The following FAAH2 variants were observed in gnomAD, a reference collection of about 807,000 sequenced individuals.
The protein encoded by FAAH2 is fatty-acid amide hydrolase 2.
In FAAH2, 60 loss-of-function variants were observed where a neutral mutation model predicts 36.9. The observed-to-expected ratio is 1.63, with a 90% confidence interval of 1.32 to 2.02. The LOEUF (loss-of-function observed/expected upper bound fraction) is 2.02, where lower values mean the gene tolerates loss of function less well. Ranked by LOEUF, FAAH2 falls within the 30% of genes most tolerant of loss-of-function variation. The pLI is 0.00. For synonymous variants in FAAH2, 214 were observed against 143.8 expected (o/e 1.49, Z -3.49); for missense variants, 689 against 397.5 (o/e 1.73, Z -6.23).
chrX:57,298,904 G>A (rs1000375414), intron 2 of FAAH2, among the ~76,000 whole-genome samples: 17 of 109,549 alleles, frequency 1.6e-4, no homozygotes, highest in Non-Finnish European at 3.0e-4. Context: ...ACTAAACCAG[G>A]AAGAAGTTCA....
the FAAH2 span, among the ~76,000 whole-genome samples, chrX:57,198,150 G>C: frequency 8.9e-4 from 99 of 111,295 alleles, no homozygotes; most frequent in African/African-American, 3.2e-3. Flanking sequence ...GTTATGATTT[G>C]TGTCTTCTGC....
intron 10 of FAAH2, among the ~76,000 whole-genome samples, chrX:57,468,996 C>T (rs5960985): frequency 0.36 from 40,202 of 110,370 alleles, 6,279 homozygotes; most frequent in Middle Eastern, 0.61. Flanking sequence ...TCCAGCCAAA[C>T]TAAGCTTCAT....
intron 10 of FAAH2, among the ~76,000 whole-genome samples, chrX:57,478,500 C>T (rs2057315485): frequency 8.9e-6 from 1 of 111,766 alleles, no homozygotes; most frequent in Non-Finnish European, 1.9e-5. Flanking sequence ...AATTAGATCC[C>T]ATTTGTCAAT....
the FAAH2 span, among the ~76,000 whole-genome samples, chrX:57,192,339 G>GT: frequency 0.013 from 1,408 of 110,070 alleles, 20 homozygotes; most frequent in African/African-American, 0.042. Context: ...AGTTTGAATA[G>GT]TTTTTTTTTG....
the FAAH2 span, among the ~76,000 whole-genome samples, chrX:57,158,219 G>T: frequency 8.9e-6 from 1 of 111,919 alleles, no homozygotes; most frequent in Non-Finnish European, 1.9e-5. Context: ...TGGCGTATAT[G>T]TGCCACATTT....
In FAAH2 at chrX:57,432,005, G is replaced by T; in HGVS notation, c.1084G>T (p.Ala362Ser). The T allele has an allele frequency of 8.3e-7, 1 of 1,204,231 alleles. No homozygotes were observed. The highest frequency in any genetic ancestry group is 1.1e-6 in the Non-Finnish European group (1 of 891,412). ...KMKYSFQLWIAMMSAKGHDGK... is the reference protein window; with the variant it reads ...KMKYSFQLWISMMSAKGHDGK... The stretch of plus-strand genomic sequence containing the variant: ...GAAGTACTCTTTTCAGTTGTGGATC[G>T]CAATGATGTCAGCAAAGGGACATGA... The change falls in exon 8 of 11, where the codon GCA becomes TCA. Residue 362 changes from alanine (A) to serine (S), a missense_variant. Coordinates refer to ENST00000374900, the MANE Select transcript of FAAH2 (RefSeq NM_174912.4).
At chrX:57,181,589 C>A in the FAAH2 span, among the ~76,000 whole-genome samples, 1 of 111,536 alleles carries the variant, frequency 9.0e-6, no homozygotes, top group African/African-American at 3.3e-5. Flanking sequence ...ATGACACAAA[C>A]AAATGAAAAA....
chrX:57,237,677 A>T, the FAAH2 span, among the ~76,000 whole-genome samples: 1 of 111,562 alleles, frequency 9.0e-6, no homozygotes, highest in African/African-American at 3.2e-5. Context: ...GAGCTTCTGC[A>T]TAGCAAAAAA....
intron 7 of FAAH2, among the ~76,000 whole-genome samples, chrX:57,412,224 T>G (rs1363118080): frequency 2.7e-5 from 3 of 112,082 alleles, no homozygotes; most frequent in African/African-American, 9.7e-5. Flanking sequence ...TTTTTTAAAT[T>G]ATATTTTAAG....
At chrX:57,252,198 G>A in the FAAH2 span, among the ~76,000 whole-genome samples, 1 of 112,540 alleles carries the variant, frequency 8.9e-6, no homozygotes, top group Non-Finnish European at 1.9e-5. Flanking sequence ...GGCTTGAGAA[G>A]GCGGTTCTAT....
chrX:57,163,717 G>T, the FAAH2 span, among the ~76,000 whole-genome samples: 1 of 111,970 alleles, frequency 8.9e-6, no homozygotes, highest in African/African-American at 3.2e-5. Context: ...GCCCTGCTTC[G>T]GCTCGCACAC....
the FAAH2 span, among the ~76,000 whole-genome samples, chrX:57,177,911 C>T: frequency 9.0e-6 from 1 of 110,605 alleles, no homozygotes; most frequent in Non-Finnish European, 1.9e-5. Context: ...TGTTTATTTT[C>T]TCCCATGGGG....
At chrX:57,327,948 GT>G (rs1191543499) in intron 3 of FAAH2, among the ~76,000 whole-genome samples, 1 of 111,298 alleles carries the variant, frequency 9.0e-6, no homozygotes, top group African/African-American at 3.3e-5. Context: ...TTTTTGCTCT[GT>G]TTTTTCCCCA....
At chrX:57,407,844 G>T (rs1207845847) in intron 7 of FAAH2, among the ~76,000 whole-genome samples, 1 of 111,931 alleles carries the variant, frequency 8.9e-6, no homozygotes, top group East Asian at 2.8e-4. Context: ...TAAGATAAGG[G>T]ATTAATTTCA....
the FAAH2 span, among the ~76,000 whole-genome samples, chrX:57,235,055 G>A: frequency 9.0e-6 from 1 of 110,841 alleles, no homozygotes; most frequent in Non-Finnish European, 1.9e-5. Context: ...CAGGGACTGG[G>A]GGCCCTTGCT....
intron 7 of FAAH2, among the ~76,000 whole-genome samples, chrX:57,389,240 C>T (rs897152168): frequency 4.5e-5 from 4 of 89,712 alleles, no homozygotes; most frequent in Admixed American, 4.0e-4. Context: ...ATTTTAGTAC[C>T]CTTACACACA....
the FAAH2 span, among the ~76,000 whole-genome samples, chrX:57,223,074 A>G: frequency 8.9e-6 from 1 of 112,310 alleles, no homozygotes; most frequent in Non-Finnish European, 1.9e-5. Context: ...TAGTGTACTC[A>G]CACTCGTCCA....
In FAAH2 at chrX:57,372,087, G is replaced by A. The variant is rs182756309; in HGVS notation, c.743-6564G>A. On this transcript the variant is annotated intron_variant, in intron 5 of 10. Coordinates refer to ENST00000374900, the MANE Select transcript of FAAH2 (RefSeq NM_174912.4). ...TTTGAATCTATGTCTTTTTTATTGT[G>A]AATAGTGCTGTGATGAACATACAGA... is the stretch of plus-strand genomic sequence containing the variant. Among the ~76,000 whole-genome samples, 425 of 63,275 alleles carry A rather than the reference G, an allele frequency of 6.7e-3. 2 individuals are homozygous for A. The highest frequency in any genetic ancestry group is 0.014 in the African/African-American group (409 of 29,163). 54.9% of individuals were successfully genotyped at this position (63,275 alleles called of 115,157 possible). A position where few individuals can be genotyped will look rare whatever the true frequency, so the allele number is the denominator to read the frequency against.
intron 2 of FAAH2, among the ~76,000 whole-genome samples, chrX:57,309,843 G>A (rs1027700964): frequency 3.6e-5 from 4 of 111,588 alleles, no homozygotes; most frequent in South Asian, 3.8e-4. Context: ...TGAGAATTTG[G>A]GTGGATTCCA....
Sources: gnomAD v4.1 joint callset for allele counts (sites outside exome capture counted in the v4.1 genomes callset) on GRCh38, gnomAD v4.1.1 for gene constraint, MANE v1.5 for transcripts, NCBI Gene and HGNC (gene_info 2026-07-23, HGNC 2026-07-21) for gene names.